Variants in SYT1 observed in about 807,000 individuals in gnomAD.
The protein encoded by SYT1 is synaptotagmin-1.
In SYT1, 8 loss-of-function variants were observed where a neutral mutation model predicts 44.8. The observed-to-expected ratio is 0.18, with a 90% CI of 0.10 to 0.32. The LOEUF is 0.32. Among genes scored for constraint, SYT1 ranks in the 10% least tolerant of loss-of-function variants. SYT1 has a pLI of 1.00. For synonymous variants in SYT1, 154 were observed against 188.8 expected, an observed-to-expected ratio of 0.82 and a Z score of 1.51; for missense variants, 286 against 509.3, an observed-to-expected ratio of 0.56 and a Z score of 4.22.
intron 1 of SYT1, among the ~76,000 whole-genome samples, chr12:78,953,262 G>T (rs1027748119): frequency 6.6e-6 from 1 of 152,034 alleles, no homozygotes; most frequent in Admixed American, 6.6e-5. Context: ...GGGAAGAGAT[G>T]AAATGGATAT....
chr12:79,342,597 G>A (rs979626846), intron 8 of SYT1, among the ~76,000 whole-genome samples: 5 of 152,156 alleles, frequency 3.3e-5, no homozygotes, highest in Non-Finnish European at 5.9e-5. Flanking sequence ...AGAGGGTATT[G>A]GAGTAATCTA....
chr12:79,434,322 A>G (rs117597974), intron 9 of SYT1, among the ~76,000 whole-genome samples: 1 of 152,254 alleles, frequency 6.6e-6, no homozygotes, highest in Non-Finnish European at 1.5e-5. Context: ...CCCCAAATAT[A>G]TTTTTAATGC....
At chr12:79,401,335 A>G (rs995947406) in intron 9 of SYT1, among the ~76,000 whole-genome samples, 5 of 152,134 alleles carry the variant, frequency 3.3e-5, no homozygotes, top group East Asian at 1.9e-4. Flanking sequence ...TCCAGGCTGC[A>G]GTGCACTATG....
intron 9 of SYT1, among the ~76,000 whole-genome samples, chr12:79,367,307 T>C (rs765045031): frequency 2.6e-5 from 4 of 152,094 alleles, no homozygotes; most frequent in Non-Finnish European, 1.5e-5. Flanking sequence ...CTCTCTAAAA[T>C]GAACCACCGC....
chr12:79,097,352 T>C (rs1437440029), intron 3 of SYT1, among the ~76,000 whole-genome samples: 1 of 152,020 alleles, frequency 6.6e-6, no homozygotes, highest in Non-Finnish European at 1.5e-5. Context: ...ATACATCCGG[T>C]ACATAAGCAT....
intron 3 of SYT1, among the ~76,000 whole-genome samples, chr12:79,194,141 A>G (rs1380641024): frequency 6.6e-6 from 1 of 152,158 alleles, no homozygotes; most frequent in South Asian, 2.1e-4. Flanking sequence ...AAATAGGCCT[A>G]CTATAAAATT....
chr12:79,417,979 A>G (rs1001865164), intron 9 of SYT1, among the ~76,000 whole-genome samples: 3 of 152,278 alleles, frequency 2.0e-5, no homozygotes, highest in Middle Eastern at 6.8e-3. Context: ...GACAAAGCTG[A>G]AAAACCTTAC....
intron 3 of SYT1, among the ~76,000 whole-genome samples, chr12:79,178,986 A>C (rs1217825064): frequency 9.3e-6 from 1 of 107,780 alleles, no homozygotes; most frequent in African/African-American, 4.2e-5. Flanking sequence ...ATATAGATAT[A>C]TCTATATAGA....
chr12:79,304,022 C>T (rs532783066), intron 8 of SYT1, among the ~76,000 whole-genome samples: 205 of 152,328 alleles, frequency 1.3e-3, no homozygotes, highest in African/African-American at 4.7e-3. Context: ...CCTGGTCATT[C>T]ATTCACAACC....
chr12:79,222,009 T>C (rs1875193156), intron 4 of SYT1, among the ~76,000 whole-genome samples: 1 of 152,178 alleles, frequency 6.6e-6, no homozygotes, highest in East Asian at 1.9e-4. Context: ...CCACAACTTT[T>C]GTTTGTCTAG....
intron 8 of SYT1, among the ~76,000 whole-genome samples, chr12:79,310,280 T>C (rs1197407494): frequency 6.6e-6 from 1 of 152,152 alleles, no homozygotes; most frequent in East Asian, 1.9e-4. Flanking sequence ...GGGAATCCTT[T>C]CCCAATTGCT....
At chr12:78,927,784 A>G (rs894599438) in intron 1 of SYT1, among the ~76,000 whole-genome samples, 1 of 152,276 alleles carries the variant, frequency 6.6e-6, no homozygotes, top group East Asian at 1.9e-4. Context: ...TCTGGTTTTG[A>G]AATTATCATT....
At chr12:79,178,538 G>A (rs1026590435) in intron 3 of SYT1, among the ~76,000 whole-genome samples, 4 of 151,592 alleles carry the variant, frequency 2.6e-5, no homozygotes, top group African/African-American at 9.7e-5. Context: ...GTTTTGTTTT[G>A]TTTTTTGTTT....
intron 3 of SYT1, among the ~76,000 whole-genome samples, chr12:79,153,039 C>T (rs1243635992): frequency 6.6e-6 from 1 of 151,840 alleles, no homozygotes; most frequent in Non-Finnish European, 1.5e-5. Flanking sequence ...TTAATCTTGA[C>T]AATAAGCTAT....
intron 2 of SYT1, among the ~76,000 whole-genome samples, chr12:79,004,007 C>T (rs1017955296): frequency 2.0e-5 from 3 of 151,792 alleles, no homozygotes; most frequent in African/African-American, 7.2e-5. Flanking sequence ...ACTGTGATGC[C>T]ACTAATAATT....
intron 2 of SYT1, among the ~76,000 whole-genome samples, chr12:79,023,846 C>T (rs1872351031): frequency 6.6e-6 from 1 of 151,616 alleles, no homozygotes; most frequent in African/African-American, 2.4e-5. Context: ...GTTTTCTGAA[C>T]TATTCACCTA....
Position 79,414,597 on chromosome 12 carries a change from G to A in SYT1, c.929-29476G>A, listed in dbSNP as rs568127557. Among the ~76,000 whole-genome samples the A allele has an allele frequency of 1.1e-4, 16 of 152,218 alleles. No individual in the cohort carries two copies. The South Asian group carries it at 3.3e-3, about 32-fold the overall frequency. On this transcript the variant is annotated intron_variant, in intron 9 of 10. Coordinates refer to ENST00000261205, the MANE Select transcript of SYT1 (RefSeq NM_005639.3). ...GTAAAACCTGTATTCCTTATCAGTA[G>A]ATCTACAGGGTAATAAAGGGAACAC...
intron 1 of SYT1, among the ~76,000 whole-genome samples, chr12:78,906,697 G>A (rs1876002618): frequency 6.6e-6 from 1 of 152,024 alleles, no homozygotes; most frequent in South Asian, 2.1e-4. Flanking sequence ...TGGACAGACT[G>A]GGGGTGTCTG....
Position 79,285,849 on chromosome 12 carries a change from T to A in SYT1, c.229T>A (p.Phe77Ile). ...AGTCCTTTTAGTCCTGACCTGCTGC[T>A]TTTGTATCTGTAAGAAATGTTTGTT... ...VAVLLVLTCC[F>I]CICKKCLFKK... Residue 77 changes from phenylalanine (F) to isoleucine (I), a missense_variant, in exon 5 of 11, where the codon TTT becomes ATT. Physicochemically the swap from Phe to Ile is conservative, Grantham distance 21. Coordinates refer to ENST00000261205, the MANE Select transcript of SYT1 (RefSeq NM_005639.3). The A allele has an allele frequency of 1.2e-6, 2 of 1,613,900 alleles. No individual in the cohort carries two copies. The highest frequency in any genetic ancestry group is 2.2e-5 in the South Asian group (2 of 90,998).
Sources: allele counts gnomAD v4.1 joint callset (sites outside exome capture counted in the v4.1 genomes callset), GRCh38; gene constraint gnomAD v4.1.1; transcripts MANE v1.5; gene names NCBI Gene and HGNC (gene_info 2026-07-23, HGNC 2026-07-21).